ZMYM4: variants seen among roughly 807,000 people sequenced by gnomAD.
The protein encoded by ZMYM4 is zinc finger MYM-type protein 4.
ZMYM4 carries 31 observed loss-of-function variants against 183.2 expected under a neutral mutation model. The observed-to-expected ratio is 0.17, with a 90% CI of 0.13 to 0.23. ZMYM4 has a LOEUF of 0.23. Ranked by LOEUF, ZMYM4 falls within the 10% of genes least tolerant of loss-of-function variation. The pLI is 1.00. For synonymous variants in ZMYM4, 592 were observed against 631.2 expected (o/e 0.94, Z 0.93); for missense variants, 1,273 against 1,840.3 (o/e 0.69, Z 5.64).
At chr1:35,410,904 A>G (rs1352270148) in intron 26 of ZMYM4, among the ~76,000 whole-genome samples, 2 of 152,042 alleles carry the variant, frequency 1.3e-5, no homozygotes, top group Non-Finnish European at 2.9e-5. Context: ...ATCTACTGCC[A>G]CATTCAAGGG....
At chr1:35,277,331 G>A (rs184585251) in intron 1 of ZMYM4, among the ~76,000 whole-genome samples, 32 of 152,222 alleles carry the variant, frequency 2.1e-4, no homozygotes, top group East Asian at 1.2e-3. Context: ...TATAAAGAGT[G>A]GTTATATAAT....
intron 2 of ZMYM4, among the ~76,000 whole-genome samples, chr1:35,344,478 T>G (rs983279970): frequency 6.6e-6 from 1 of 152,168 alleles, no homozygotes; most frequent in African/African-American, 2.4e-5. Flanking sequence ...TGTTGATTTT[T>G]TTTTTTATAG....
Position 35,359,054 on chromosome 1 carries a change from A to T in ZMYM4, c.215A>T (p.Tyr72Phe), listed in dbSNP as rs569512662. ...AATTCATTGCTGGATGAAGATGATT[A>T]TTTTTTGAACTCTGGGGATCTTGCA... The part of the protein sequence containing the change: ...SENSLLDEDD[Y>F]FLNSGDLAGI... The change falls in exon 3 of 30, where the codon TAT becomes TTT. Residue 72 changes from tyrosine to phenylalanine, a missense_variant. Around this residue, in one of 6 missense-constraint regions of ZMYM4, gnomAD observed 384 missense variants for 465.6 expected, o/e 0.82. Transcript: ENST00000314607. The T allele has an allele frequency of 1.9e-6, 3 of 1,613,812 alleles. No homozygotes were observed. In the East Asian group the frequency reaches 6.7e-5, roughly 36 times the overall value.
chr1:35,384,626 A>G lies in ZMYM4; in HGVS notation c.1570-816A>G, dbSNP rs970781796. ...TATTTTTTTTATTATTAGTGGTAGA[A>G]TATTTGCCAATAAGTTGCCTAATAA... On this transcript the variant is annotated intron_variant, in intron 9 of 29. Transcript: ENST00000314607. Among the ~76,000 whole-genome samples the G allele has an allele frequency of 3.9e-5, 6 of 152,170 alleles. No homozygotes were observed. The South Asian group carries it at 8.3e-4, about 21-fold the overall frequency.
Position 35,394,162 on chromosome 1 carries a change from C to CTTTTTTTTTTTT in ZMYM4, c.2911+442_2911+453dup. Among the ~76,000 whole-genome samples, 209 of 68,428 alleles carry CTTTTTTTTTTTT rather than the reference C, an allele frequency of 3.1e-3. 34 individuals are homozygous for CTTTTTTTTTTTT. Among genetic ancestry groups the CTTTTTTTTTTTT allele is most frequent in the East Asian group, 0.026 (51 of 1,982 alleles). The allele number at this position is 68,428 out of a possible 152,430, so 44.9% of individuals were successfully genotyped here. A position where few individuals can be genotyped will look rare whatever the true frequency, so the allele number is the denominator to read the frequency against. ...CCTTTGAGGAGAGCTTCAGAGCTTT[C>CTTTTTTTTTTTT]TTTTTTTTTTTTTTTTTTTTTTTTT... On this transcript the variant is annotated intron_variant, in intron 18 of 29. Coordinates refer to ENST00000314607, the MANE Select transcript of ZMYM4 (RefSeq NM_005095.3).
chr1:35,378,522 T>G (rs1244437950), intron 7 of ZMYM4, among the ~76,000 whole-genome samples: 1 of 152,172 alleles, frequency 6.6e-6, no homozygotes, highest in African/African-American at 2.4e-5. Flanking sequence ...CTCTTGTACA[T>G]CTCCATCAGA....
chr1:35,375,471 A>C lies in ZMYM4; in HGVS notation c.1181+4844A>C, dbSNP rs143405104. On this transcript the variant is annotated intron_variant, in intron 7 of 29. Coordinates refer to ENST00000314607, the MANE Select transcript of ZMYM4 (RefSeq NM_005095.3). Reference sequence around the variant, plus strand: ...TGGCATATGCATTGTTTCTCTACATAGTCTATGTAGTCAAACAGGTTTCAT... The same window carrying C: ...TGGCATATGCATTGTTTCTCTACATCGTCTATGTAGTCAAACAGGTTTCAT... Among the ~76,000 whole-genome samples the C allele has an allele frequency of 6.5e-3, 993 of 152,294 alleles. 5 individuals are homozygous for C. The highest frequency in any genetic ancestry group is 0.01 in the Non-Finnish European group (682 of 68,010).
In ZMYM4 at chr1:35,268,936, G is replaced by A. The variant is rs1639442897; in HGVS notation, c.-111G>A. ...CTCGGCGCAAGGCCCGGCCGGGTCC[G>A]GGGAAGCTGCCGCGAGGCGGCCGTG... On this transcript the variant is annotated 5_prime_UTR_variant, in exon 1 of 30. Coordinates refer to ENST00000314607, the MANE Select transcript of ZMYM4 (RefSeq NM_005095.3). 2 of 1,248,218 alleles carry A rather than the reference G, an allele frequency of 1.6e-6. No individual in the cohort carries two copies. The highest frequency in any genetic ancestry group is 2.1e-6 in the Non-Finnish European group (2 of 975,540). The allele number at this position is 1,248,218 out of a possible 1,614,324, so 77.3% of individuals were successfully genotyped here. A position where few individuals can be genotyped will look rare whatever the true frequency, so the allele number is the denominator to read the frequency against.
chr1:35,409,489 G>T (rs1639781353), intron 26 of ZMYM4, among the ~76,000 whole-genome samples: 1 of 151,760 alleles, frequency 6.6e-6, no homozygotes, highest in Non-Finnish European at 1.5e-5. Flanking sequence ...GGTATGAAAT[G>T]ATATCTCATT....
chr1:35,398,756 A>G (rs981571931), intron 21 of ZMYM4, 108 bp from the exon 22 acceptor site: 1 of 1,138,800 alleles, frequency 8.8e-7, no homozygotes, highest in Non-Finnish European at 1.3e-6. Flanking sequence ...GTAATTGTCC[A>G]TCAACCGTAT....
chr1:35,291,287 C>CTT (rs1004456418), intron 1 of ZMYM4, among the ~76,000 whole-genome samples: 1 of 150,420 alleles, frequency 6.6e-6, no homozygotes, highest in African/African-American at 2.4e-5. Flanking sequence ...TTTTCACTTT[C>CTT]TTTTTTTTTG....
At chr1:35,284,427 T>C (rs1182445546) in intron 1 of ZMYM4, among the ~76,000 whole-genome samples, 1 of 152,232 alleles carries the variant, frequency 6.6e-6, no homozygotes, top group Non-Finnish European at 1.5e-5. Flanking sequence ...AGGTCTTTAA[T>C]TTAGGTCTTT....
chr1:35,343,720 C>T (rs963834105), intron 2 of ZMYM4, among the ~76,000 whole-genome samples: 5 of 151,996 alleles, frequency 3.3e-5, no homozygotes, highest in Non-Finnish European at 2.9e-5. Context: ...CAAAAATTAG[C>T]TTTGCGCAGT....
At chr1:35,271,631 GA>G (rs1434368947) in intron 1 of ZMYM4, among the ~76,000 whole-genome samples, 2 of 152,208 alleles carry the variant, frequency 1.3e-5, no homozygotes, top group Admixed American at 1.3e-4. Context: ...TCGAACTCCT[GA>G]CCTCTGGTGA....
At position 35,370,622 on chromosome 1, in the gene ZMYM4, C is replaced by T. The variant is rs753578412; in HGVS notation, c.1176C>T (p.Cys392=). The change falls in exon 7 of 30, where the codon TGC becomes TGT. Residue 392 remains cysteine, a synonymous_variant. Coordinates refer to ENST00000314607, the MANE Select transcript of ZMYM4 (RefSeq NM_005095.3). ...TCACCAAGAAAACTTGTTCAAGTTG[C>T]TCAAAGTATAGCAGAATTCTAAATT... ...PPLTKKTCSS[C]SKDILNPKDV... 2.5e-6 allele frequency: 4 copies of T among 1,606,338 alleles called. No homozygotes were observed. Among genetic ancestry groups the T allele is most frequent in the Middle Eastern group, 1.7e-4 (1 of 6,024 alleles).
chr1:35,299,784 CT>C (rs1056848922), intron 1 of ZMYM4, among the ~76,000 whole-genome samples: 5 of 151,488 alleles, frequency 3.3e-5, no homozygotes, highest in Admixed American at 6.6e-5. Flanking sequence ...GAGATTCTTT[CT>C]TTCTTTCTTT....
intron 1 of ZMYM4, among the ~76,000 whole-genome samples, chr1:35,303,345 T>G (rs1186635066): frequency 6.6e-6 from 1 of 152,042 alleles, no homozygotes; most frequent in South Asian, 2.1e-4. Flanking sequence ...TTATATTCCT[T>G]GTAATGTCTG....
At chr1:35,355,227 T>A (rs1017521800) in intron 2 of ZMYM4, among the ~76,000 whole-genome samples, 3 of 141,956 alleles carry the variant, frequency 2.1e-5, no homozygotes, top group South Asian at 2.2e-4. Context: ...TTTTTTTTTT[T>A]AAGTAGAGAC....
At chr1:35,293,270 G>T (rs1281895307) in intron 1 of ZMYM4, among the ~76,000 whole-genome samples, 3 of 152,074 alleles carry the variant, frequency 2.0e-5, no homozygotes, top group Non-Finnish European at 4.4e-5. Context: ...CTCCCGAAGT[G>T]CTAGGACTAC....
Sources: gnomAD v4.1 joint callset for allele counts (sites outside exome capture counted in the v4.1 genomes callset) on GRCh38, gnomAD v4.1.1 for gene constraint, gnomAD v4.1.1 regional missense constraint, MANE v1.5 for transcripts, NCBI Gene and HGNC (gene_info 2026-07-23, HGNC 2026-07-21) for gene names.